Variants in CELF2 observed in about 807,000 individuals in gnomAD.
CELF2 encodes CUGBP Elav-like family member 2.
CELF2 carries 8 observed loss-of-function variants against 62.6 expected under a neutral mutation model. The ratio of observed to expected loss-of-function variants is 0.13; its 90% CI spans 0.07 to 0.23. The LOEUF (loss-of-function observed/expected upper bound fraction) is 0.23, where lower values mean the gene tolerates loss of function less well. Ranked by LOEUF, CELF2 falls within the 10% of genes least tolerant of loss-of-function variation. The pLI is 1.00. For synonymous variants in CELF2, 258 were observed against 250.0 expected, an observed-to-expected ratio of 1.03 and a Z score of -0.30; for missense variants, 333 against 671.0, an observed-to-expected ratio of 0.50 and a Z score of 5.56.
intron 2 of CELF2, among the ~76,000 whole-genome samples, chr10:11,170,028 G>A (rs964037920): frequency 1.3e-5 from 2 of 152,220 alleles, no homozygotes; most frequent in African/African-American, 4.8e-5. Context: ...AAGAAGGATA[G>A]AGGTTGTGGG....
the CELF2 span, among the ~76,000 whole-genome samples, chr10:10,576,415 G>A: frequency 3.3e-5 from 5 of 152,202 alleles, no homozygotes; most frequent in South Asian, 8.3e-4. Context: ...GCTCATGAAA[G>A]AAGAAATCAA....
chr10:10,664,351 TA>T, the CELF2 span, among the ~76,000 whole-genome samples: 5 of 152,150 alleles, frequency 3.3e-5, no homozygotes, highest in Non-Finnish European at 4.4e-5. Context: ...TATAGAAATA[TA>T]AACACAAAGT....
At chr10:10,805,970 A>G (rs1052274737) in intron 1 of CELF2, among the ~76,000 whole-genome samples, 3 of 152,150 alleles carry the variant, frequency 2.0e-5, no homozygotes, top group Admixed American at 2.0e-4. Flanking sequence ...ATGAAAAGTA[A>G]TGGTTGGAGC....
chr10:10,593,010 G>T, the CELF2 span, among the ~76,000 whole-genome samples: 1 of 152,186 alleles, frequency 6.6e-6, no homozygotes, highest in African/African-American at 2.4e-5. Context: ...AGCAAAGGAT[G>T]AGTTCAAGTT....
the CELF2 span, among the ~76,000 whole-genome samples, chr10:10,621,274 T>C: frequency 6.9e-6 from 1 of 145,764 alleles, no homozygotes; most frequent in Non-Finnish European, 1.5e-5. Context: ...AAGGCTACAG[T>C]AGAATGATTC....
Position 11,331,961 on chromosome 10 carries a change from G to A in CELF2, c.*2908G>A, listed in dbSNP as rs372855607. Reference sequence around the variant, plus strand: ...TTTCCCTGCATCTATCCTCTAAGTTGTTTCGGTTTGACTACTTTGTTCTTT... The same window carrying A: ...TTTCCCTGCATCTATCCTCTAAGTTATTTCGGTTTGACTACTTTGTTCTTT... On this transcript the variant is annotated 3_prime_UTR_variant, in exon 13 of 13. Coordinates refer to ENST00000633077, the MANE Select transcript of CELF2 (RefSeq NM_001326342.2). The A allele has an allele frequency of 7.9e-5, 12 of 152,244 alleles. No individual in the cohort carries two copies. In the East Asian group the frequency reaches 2.1e-3, roughly 27 times the overall value. 9.4% of individuals were successfully genotyped at this position (152,244 alleles called of 1,614,324 possible).
At chr10:11,096,833 A>T (rs1300269708) in intron 1 of CELF2, among the ~76,000 whole-genome samples, 1 of 152,118 alleles carries the variant, frequency 6.6e-6, no homozygotes, top group Non-Finnish European at 1.5e-5. Flanking sequence ...CTTTCAAATC[A>T]CTGTAGCCCG....
the CELF2 span, among the ~76,000 whole-genome samples, chr10:10,655,254 T>C: frequency 1.4e-5 from 2 of 140,866 alleles, no homozygotes; most frequent in Non-Finnish European, 3.1e-5. Context: ...TCCATGCTCA[T>C]GGGGGTAGGA....
chr10:10,897,366 A>G (rs2062631858), intron 1 of CELF2, among the ~76,000 whole-genome samples: 1 of 152,226 alleles, frequency 6.6e-6, no homozygotes, highest in Admixed American at 6.5e-5. Flanking sequence ...TTGTAGCAAC[A>G]AACTTGGGAA....
At chr10:11,064,396 T>C (rs1356315733) in intron 1 of CELF2, among the ~76,000 whole-genome samples, 1 of 152,226 alleles carries the variant, frequency 6.6e-6, no homozygotes. Flanking sequence ...TTTTGTTTGT[T>C]TGCCTATTAT....
At chr10:11,009,555 G>A (rs1352838256) in intron 1 of CELF2, among the ~76,000 whole-genome samples, 1 of 152,100 alleles carries the variant, frequency 6.6e-6, no homozygotes, top group Non-Finnish European at 1.5e-5. Context: ...ACATTTTCTT[G>A]TATGTCAAGA....
At chr10:11,121,746 C>A (rs969851941) in intron 1 of CELF2, among the ~76,000 whole-genome samples, 2 of 151,576 alleles carry the variant, frequency 1.3e-5, no homozygotes, top group Non-Finnish European at 2.9e-5. Flanking sequence ...GAAAAAAATG[C>A]TTTTGCTGTG....
chr10:10,579,731 T>C, the CELF2 span, among the ~76,000 whole-genome samples: 129 of 152,264 alleles, frequency 8.5e-4, 2 homozygotes, highest in South Asian at 0.025. Flanking sequence ...TGAAGAAATG[T>C]TTCATCTCCT....
rs1565330256 is a variant in CELF2, at chr10:11,211,807, AGAGAGAGTGTGTGTGTGTGTGT to A, written c.272-5616_272-5595del. 1.7e-5 allele frequency among the ~76,000 whole-genome samples: 2 copies of A among 120,636 alleles called. No individual in the cohort carries two copies. The highest frequency in any genetic ancestry group is 3.6e-5 in the African/African-American group (1 of 28,060). The allele number at this position is 120,636 out of a possible 152,430, so 79.1% of individuals were successfully genotyped here. A position where few individuals can be genotyped will look rare whatever the true frequency, so the allele number is the denominator to read the frequency against. ...GTATGTGTGTGAGAGAGAGAGAGAGAGAGAGAGTGTGTGTGTGTGTGTGTGTGTGTGTGTGTGTGTGTGTGTG... is the reference window on the plus strand; with the variant it reads ...GTATGTGTGTGAGAGAGAGAGAGAGAGTGTGTGTGTGTGTGTGTGTGTGTG... On this transcript the variant is annotated intron_variant, in intron 2 of 12. Transcript: ENST00000633077. The surrounding 1 kb of genome is among the most constrained non-coding windows in gnomAD (Gnocchi z 4.8).
At chr10:11,139,004 C>A (rs916646452) in intron 1 of CELF2, among the ~76,000 whole-genome samples, 45 of 152,102 alleles carry the variant, frequency 3.0e-4, no homozygotes, top group Non-Finnish European at 4.0e-4. Flanking sequence ...TATATTTATT[C>A]TATTTTTTGG....
chr10:11,139,440 T>G (rs946847006), intron 1 of CELF2, among the ~76,000 whole-genome samples: 1 of 152,228 alleles, frequency 6.6e-6, no homozygotes, highest in African/African-American at 2.4e-5. Flanking sequence ...TGATTGACTT[T>G]CGAGGAATAT....
the CELF2 span, among the ~76,000 whole-genome samples, chr10:10,703,886 C>A: frequency 3.6e-4 from 55 of 152,204 alleles, no homozygotes; most frequent in Non-Finnish European, 7.2e-4. Flanking sequence ...ATCAATACAG[C>A]AGTGTAGTAG....
chr10:10,564,641 TACACACAC>T, the CELF2 span, among the ~76,000 whole-genome samples: 1,092 of 136,264 alleles, frequency 8.0e-3, 13 homozygotes, highest in African/African-American at 0.027. Context: ...GTTAACTGAA[TACACACAC>T]ACACACACAC....
rs189667934 is a variant in CELF2 at position 11,174,002 on chromosome 10, A to G, written c.271+8320A>G. Among the ~76,000 whole-genome samples the G allele has an allele frequency of 3.2e-3, 495 of 152,326 alleles. 4 individuals are homozygous for G. Among genetic ancestry groups the G allele is most frequent in the African/African-American group, 0.011 (465 of 41,564 alleles). The stretch of plus-strand genomic sequence containing the variant: ...TGAAGATGTTCCGACCCATACTGAG[A>G]AATTCCGTGGGGAATCAGTCAGACA... On this transcript the variant is annotated intron_variant, in intron 2 of 12. Coordinates refer to ENST00000633077, the MANE Select transcript of CELF2 (RefSeq NM_001326342.2).
Sources: gnomAD v4.1 joint callset for allele counts (sites outside exome capture counted in the v4.1 genomes callset) on GRCh38, gnomAD v4.1.1 for gene constraint, Gnocchi (gnomAD v3.1) non-coding constraint, MANE v1.5 for transcripts, NCBI Gene and HGNC (gene_info 2026-07-23, HGNC 2026-07-21) for gene names.